The following KAT2B variants were observed in gnomAD, a reference collection of about 807,000 sequenced individuals.
The protein encoded by KAT2B is lysine acetyltransferase 2B.
In KAT2B, 36 loss-of-function variants were observed where a neutral mutation model predicts 105.9. That is an observed-to-expected ratio of 0.34 (90% CI 0.26 to 0.45). The LOEUF (loss-of-function observed/expected upper bound fraction) is 0.45, where lower values mean the gene tolerates loss of function less well. KAT2B is among the 20% of genes least tolerant of loss of function. The probability of loss-of-function intolerance (pLI) is 1.00; values close to 1 mark genes in which losing one functional copy is unlikely to be tolerated. For missense variants in KAT2B, 820 were observed against 1,021.6 expected, an observed-to-expected ratio of 0.80 and a Z score of 2.69; for synonymous variants, 397 against 377.9, an observed-to-expected ratio of 1.05 and a Z score of -0.59.
chr3:20,096,281 C>G (rs556806763), intron 3 of KAT2B, among the ~76,000 whole-genome samples: 5 of 152,332 alleles, frequency 3.3e-5, no homozygotes, highest in African/African-American at 9.6e-5. Context: ...GCTGCCTCTT[C>G]ACTAGTTCTA....
chr3:20,064,320 C>A (rs545913402), intron 1 of KAT2B, among the ~76,000 whole-genome samples: 1 of 152,186 alleles, frequency 6.6e-6, no homozygotes, highest in Non-Finnish European at 1.5e-5. Context: ...ATGTTCATCA[C>A]CTCAATCACT....
chr3:20,082,675 T>G (rs1370948918), intron 2 of KAT2B, among the ~76,000 whole-genome samples: 1 of 152,228 alleles, frequency 6.6e-6, no homozygotes, highest in Non-Finnish European at 1.5e-5. Context: ...TTTTTGTTTA[T>G]GTAGGAAAAA....
At chr3:20,140,871 GTGTAAAATACAAAATA>G (rs56911455) in intron 13 of KAT2B, among the ~76,000 whole-genome samples, 119,228 of 150,486 alleles carry the variant, frequency 0.79, 47,906 homozygotes, top group East Asian at 0.97. Flanking sequence ...TTTTAAATTT[GTGTAAAATACAAAATA>G]TGTAAAATAC....
At chr3:20,114,686 C>T (rs1017673381) in intron 6 of KAT2B, among the ~76,000 whole-genome samples, 196 bp from the exon 7 acceptor site, 8 of 152,086 alleles carry the variant, frequency 5.3e-5, no homozygotes, top group African/African-American at 1.9e-4. Flanking sequence ...AAAGAGTAAA[C>T]ATTTGTATAA....
In KAT2B at chr3:20,072,389, C is replaced by G; in HGVS notation, c.360C>G (p.Pro120=). The change falls in exon 2 of 18, where the codon CCC becomes CCG. Residue 120 remains proline, a synonymous_variant. Transcript: ENST00000263754. The part of the protein sequence containing the change: ...GWKNPNPSPT[P]PRADLQQIIV... The stretch of plus-strand genomic sequence containing the variant: ...AAAACCCTAACCCCTCACCCACTCC[C>G]CCCAGAGCCGACCTGCAGCAAATAA... 3 of 1,613,328 alleles carry G rather than the reference C, an allele frequency of 1.9e-6. No homozygotes were observed. Among genetic ancestry groups the G allele is most frequent in the Non-Finnish European group, 2.5e-6 (3 of 1,179,300 alleles).
Position 20,060,315 on chromosome 3 carries a change from CTG to C in KAT2B, c.304-12015_304-12014del, listed in dbSNP as rs1384546484. Among the ~76,000 whole-genome samples, 12 of 152,194 alleles carry C rather than the reference CTG, an allele frequency of 7.9e-5. 1 individual carries two copies. The East Asian group carries it at 2.1e-3, about 27-fold the overall frequency. The stretch of plus-strand genomic sequence containing the variant: ...GAAAAAATTGTTGTTTCTTAAAAAA[CTG>C]TGGGCTGGGCATGGTGGCTCACGCC... On this transcript the variant is annotated intron_variant, in intron 1 of 17. Transcript: ENST00000263754.
chr3:20,048,720 A>T (rs1365420502), intron 1 of KAT2B, among the ~76,000 whole-genome samples: 1 of 152,220 alleles, frequency 6.6e-6, no homozygotes, highest in African/African-American at 2.4e-5. Flanking sequence ...AAAAATTGTC[A>T]ACAGTTTCCT....
At chr3:20,141,012 G>A (rs1299556577) in intron 13 of KAT2B, among the ~76,000 whole-genome samples, 1 of 151,972 alleles carries the variant, frequency 6.6e-6, no homozygotes, top group Non-Finnish European at 1.5e-5. Context: ...AATACTCCAA[G>A]TGCATCTATT....
intron 11 of KAT2B, among the ~76,000 whole-genome samples, chr3:20,133,811 G>A (rs999234486): frequency 6.6e-6 from 1 of 152,254 alleles, no homozygotes; most frequent in African/African-American, 2.4e-5. Flanking sequence ...AACTGTAAAC[G>A]TATTTGCACG....
rs997230578 is a variant in KAT2B at position 20,054,891 on chromosome 3, G to A, written c.303+14111G>A. Among the ~76,000 whole-genome samples, 7 of 152,218 alleles carry A rather than the reference G, an allele frequency of 4.6e-5. No homozygotes were observed. In the South Asian group the frequency reaches 1.0e-3, roughly 22 times the overall value. The stretch of plus-strand genomic sequence containing the variant: ...ATCTGTGAGCACCGGTTAGGGGCCT[G>A]TGGCCACTTCTCTGCTACATGTGCA... On this transcript the variant is annotated intron_variant, in intron 1 of 17. Coordinates refer to ENST00000263754, the MANE Select transcript of KAT2B (RefSeq NM_003884.5).
chr3:20,071,018 A>C (rs28563940), intron 1 of KAT2B, among the ~76,000 whole-genome samples: 15 of 150,584 alleles, frequency 1.0e-4, no homozygotes, highest in South Asian at 2.1e-4. Context: ...ATAAAAAAAA[A>C]AAAACCAAAA....
chr3:20,126,440 T>C (rs1237228586), intron 10 of KAT2B, among the ~76,000 whole-genome samples: 2 of 151,950 alleles, frequency 1.3e-5, no homozygotes, highest in African/African-American at 2.4e-5. Context: ...TTTGGTATCT[T>C]AACTAGGTGC....
intron 11 of KAT2B, among the ~76,000 whole-genome samples, chr3:20,132,835 G>T (rs971493778): frequency 6.6e-6 from 1 of 152,152 alleles, no homozygotes; most frequent in Non-Finnish European, 1.5e-5. Flanking sequence ...ATTGGATTAT[G>T]GATGAAGGGT....
intron 13 of KAT2B, among the ~76,000 whole-genome samples, chr3:20,141,044 T>C (rs544309706): frequency 5.8e-4 from 88 of 152,332 alleles, no homozygotes; most frequent in African/African-American, 2.1e-3. Context: ...AAAGTGTCTT[T>C]GTCCATTAGC....
intron 13 of KAT2B, among the ~76,000 whole-genome samples, chr3:20,141,027 A>C (rs1466797104): frequency 6.6e-6 from 1 of 152,152 alleles, no homozygotes; most frequent in African/African-American, 2.4e-5. Flanking sequence ...TCTATTTACT[A>C]TTCTCCAAAG....
intron 1 of KAT2B, among the ~76,000 whole-genome samples, chr3:20,053,465 G>T (rs1281528619): frequency 6.6e-6 from 1 of 152,174 alleles, no homozygotes; most frequent in African/African-American, 2.4e-5. Flanking sequence ...AGTCCAGGAG[G>T]TCGAGGCTGT....
At position 20,058,444 on chromosome 3, in the gene KAT2B, ACT is replaced by A. The variant is rs543086342; in HGVS notation, c.304-13886_304-13885del. 2.0e-3 allele frequency among the ~76,000 whole-genome samples: 236 copies of A among 118,190 alleles called. 2 individuals are homozygous for A. The South Asian group carries it at 0.024, about 12-fold the overall frequency. The allele number at this position is 118,190 out of a possible 152,430, so 77.5% of individuals were successfully genotyped here. On this transcript the variant is annotated intron_variant, in intron 1 of 17. Transcript: ENST00000263754. ...CACCGTAGCCTGGGCAACGAGCGAG[ACT>A]CTGTCTCAAAAAAAAAAAAAAAAAA...
rs1424126710 is a variant in KAT2B, at chr3:20,140,447, A to G, written c.2004+83A>G. The stretch of plus-strand genomic sequence containing the variant: ...TTGCATTTCCTTGGGTGCTGCGTGT[A>G]TGTGTTTACTGGATAGCAAACTCTC... On this transcript the variant is annotated intron_variant, in intron 13 of 17. Transcript: ENST00000263754. 18 of 1,402,220 alleles carry G rather than the reference A, an allele frequency of 1.3e-5. No individual in the cohort carries two copies. In the East Asian group the frequency reaches 3.7e-4, roughly 29 times the overall value. The allele number at this position is 1,402,220 out of a possible 1,614,324, so 86.9% of individuals were successfully genotyped here.
chr3:20,069,587 G>A (rs1698283403), intron 1 of KAT2B, among the ~76,000 whole-genome samples: 2 of 149,880 alleles, frequency 1.3e-5, no homozygotes, highest in Admixed American at 6.7e-5. Context: ...GTGCAATGGC[G>A]CAATCTCAGC....
Sources: allele counts gnomAD v4.1 joint callset (sites outside exome capture counted in the v4.1 genomes callset), GRCh38; gene constraint gnomAD v4.1.1; transcripts MANE v1.5; gene names NCBI Gene and HGNC (gene_info 2026-07-23, HGNC 2026-07-21).